Variants in DOK7 observed in about 807,000 individuals in gnomAD.
The protein encoded by DOK7 is docking protein 7, also known as protein Dok-7.
DOK7 carries 32 observed loss-of-function variants against 30.7 expected under a neutral mutation model. The observed-to-expected ratio is 1.04, with a 90% CI of 0.79 to 1.40. The LOEUF is 1.40. DOK7 is among the 40% of genes most tolerant of loss of function. The pLI is 0.00. For missense variants in DOK7, 1,007 were observed against 699.2 expected (o/e 1.44, Z -4.97); for synonymous variants, 447 against 324.1 (o/e 1.38, Z -4.07).
chr4:3,494,129 C>G lies in DOK7; in HGVS notation c.*628C>G, dbSNP rs11542616. ...CAGTGAAGCCCTTGTGGGAAGGTTC[C>G]GGGAGCAGGTGGTGTCCTCAGAGCA... On this transcript the variant is annotated 3_prime_UTR_variant, in exon 7 of 7. Coordinates refer to ENST00000340083, the MANE Select transcript of DOK7 (RefSeq NM_173660.5). The G allele has an allele frequency of 2.2e-3, 2,204 of 985,730 alleles. 41 individuals are homozygous for G. In the African/African-American group the frequency reaches 0.036, roughly 16 times the overall value. The allele number at this position is 985,730 out of a possible 1,614,324, so 61.1% of individuals were successfully genotyped here.
At chr4:3,497,225 C>T (rs922214826), downstream of DOK7, among the ~76,000 whole-genome samples, 4 of 151,852 alleles carry the variant, frequency 2.6e-5, no homozygotes, top group Non-Finnish European at 5.9e-5. Context: ...TGGACCTGTT[C>T]CTGGGAGGGG....
chr4:3,465,398 C>T (rs1387233415), intron 2 of DOK7, among the ~76,000 whole-genome samples: 1 of 152,174 alleles, frequency 6.6e-6, no homozygotes, highest in Non-Finnish European at 1.5e-5. Flanking sequence ...GTGGATGGGC[C>T]CGGCGTGGAG....
At chr4:3,496,703 C>T, downstream of DOK7, 1 of 1,178,446 alleles carries the variant, frequency 8.5e-7, no homozygotes, top group Non-Finnish European at 1.2e-6. Context: ...GCAGGTGACC[C>T]AGGTCCCCCA....
intron 4 of DOK7, among the ~76,000 whole-genome samples, chr4:3,480,471 G>A (rs2109354273): frequency 6.6e-6 from 1 of 152,238 alleles, no homozygotes; most frequent in South Asian, 2.1e-4. Context: ...AGGCAGGTGT[G>A]GTAGCAGGTG....
exon 8 of DOK7, chr4:3,500,771 G>A (rs990727733): frequency 6.5e-7 from 1 of 1,534,608 alleles, no homozygotes; most frequent in African/African-American, 1.4e-5. Context: ...GGCACGCACG[G>A]GCCCGGGAGG....
chr4:3,494,801 G>GACCTCAGGAGGGGGC (rs1015434050), downstream of DOK7, among the ~76,000 whole-genome samples: 2 of 152,168 alleles, frequency 1.3e-5, no homozygotes, highest in African/African-American at 4.8e-5. Flanking sequence ...GGTGAGGGCG[G>GACCTCAGGAGGGGGC]ACCTCAGGAG....
chr4:3,490,154 AC>A (rs1728151638), intron 6 of DOK7, among the ~76,000 whole-genome samples: 1 of 23,986 alleles, frequency 4.2e-5, no homozygotes, highest in Non-Finnish European at 6.9e-5. Context: ...TTCCTTCCCC[AC>A]CCTGCTCATT....
At chr4:3,482,895 G>C (rs1235354755) in intron 4 of DOK7, among the ~76,000 whole-genome samples, 1 of 152,204 alleles carries the variant, frequency 6.6e-6, no homozygotes, top group South Asian at 2.1e-4. Flanking sequence ...TGGCAGCCGG[G>C]ACGGCAGCAG....
At chr4:3,474,803 C>G (rs1172604237) in intron 3 of DOK7, among the ~76,000 whole-genome samples, 2 of 151,196 alleles carry the variant, frequency 1.3e-5, no homozygotes, top group Non-Finnish European at 2.9e-5. Flanking sequence ...GCCTGGGCAA[C>G]AGAGTAGGAC....
chr4:3,490,599 C>G (rs939023675), intron 6 of DOK7, among the ~76,000 whole-genome samples: 3 of 31,724 alleles, frequency 9.5e-5, no homozygotes, highest in Non-Finnish European at 1.5e-4. Flanking sequence ...TCCTTCATTT[C>G]TTCTCTCCCT....
At chr4:3,479,588 C>T (rs1003181036) in intron 4 of DOK7, among the ~76,000 whole-genome samples, 32 of 152,362 alleles carry the variant, frequency 2.1e-4, no homozygotes, top group African/African-American at 7.0e-4. Flanking sequence ...TCCCCAGAAC[C>T]GCCTCACTTG....
chr4:3,477,033 G>T (rs1322092345), intron 4 of DOK7, among the ~76,000 whole-genome samples: 1 of 152,150 alleles, frequency 6.6e-6, no homozygotes, highest in Non-Finnish European at 1.5e-5. Flanking sequence ...GGTGGGGATG[G>T]CCTGAGTCCT....
At chr4:3,484,803 C>T (rs926094394) in intron 4 of DOK7, 30 of 985,402 alleles carry the variant, frequency 3.0e-5, no homozygotes, top group South Asian at 9.4e-5. Context: ...GGGGAGGACG[C>T]GGTGCTGGCC....
At chr4:3,486,599 G>T (rs906151231) in intron 5 of DOK7, among the ~76,000 whole-genome samples, 1 of 152,238 alleles carries the variant, frequency 6.6e-6, no homozygotes, top group Non-Finnish European at 1.5e-5. Flanking sequence ...AGCCCTGGGA[G>T]TGGGGAGGTG....
chr4:3,464,835 C>G (rs1030592907), intron 2 of DOK7, among the ~76,000 whole-genome samples: 2 of 152,208 alleles, frequency 1.3e-5, no homozygotes, highest in African/African-American at 4.8e-5. Flanking sequence ...AGAGGGTGTG[C>G]TCCCCCGGCC....
chr4:3,476,099 C>G (rs1294819242), intron 3 of DOK7, among the ~76,000 whole-genome samples: 1 of 151,804 alleles, frequency 6.6e-6, no homozygotes, highest in Non-Finnish European at 1.5e-5. Context: ...CTCACCCCAC[C>G]TGTCCACAGT....
chr4:3,492,656 G>T, intron 6 of DOK7, 103 bp from the exon 7 acceptor site: 1 of 1,521,136 alleles, frequency 6.6e-7, no homozygotes, highest in Non-Finnish European at 8.9e-7. Context: ...GGGGTGGGGC[G>T]AGACCAGAGA....
At chr4:3,490,283 C>G (rs1577174383) in intron 6 of DOK7, among the ~76,000 whole-genome samples, 2 of 99,896 alleles carry the variant, frequency 2.0e-5, no homozygotes, top group Non-Finnish European at 4.2e-5. Flanking sequence ...CCCCACCTTG[C>G]TCATTCATTT....
chr4:3,494,589 TATCTCAG>T (rs1172298786), downstream of DOK7: 1 of 917,326 alleles, frequency 1.1e-6, no homozygotes, highest in African/African-American at 1.8e-5. Context: ...CCCTGGCCTT[TATCTCAG>T]AGAGTGCGAG....
Sources: gnomAD v4.1 joint callset for allele counts (sites outside exome capture counted in the v4.1 genomes callset) on GRCh38, gnomAD v4.1.1 for gene constraint, MANE v1.5 for transcripts, NCBI Gene and HGNC (gene_info 2026-07-23, HGNC 2026-07-21) for gene names.